The following KIAA1549L variants were observed in gnomAD, a reference collection of about 807,000 sequenced individuals.
KIAA1549L encodes UPF0606 protein KIAA1549L.
KIAA1549L carries 88 observed loss-of-function variants against 160.7 expected under a neutral mutation model. That is an observed-to-expected ratio of 0.55 (90% CI 0.46 to 0.65). KIAA1549L has a LOEUF of 0.65. Among genes scored for constraint, KIAA1549L ranks in the 30% least tolerant of loss-of-function variants. The pLI, the probability that KIAA1549L is intolerant of heterozygous loss-of-function variation, is 0.00. For missense variants in KIAA1549L, 2,258 were observed against 2,437.5 expected (o/e 0.93, Z 1.55); for synonymous variants, 950 against 976.7 (o/e 0.97, Z 0.51).
At chr11:33,435,154 A>C (rs1217789065) in intron 1 of KIAA1549L, among the ~76,000 whole-genome samples, 1 of 152,262 alleles carries the variant, frequency 6.6e-6, no homozygotes, top group Admixed American at 6.5e-5. Context: ...GCCTGTTCTC[A>C]TAAGCACAGA....
At chr11:33,524,908 T>A (rs1853578388) in intron 1 of KIAA1549L, among the ~76,000 whole-genome samples, 1 of 152,242 alleles carries the variant, frequency 6.6e-6, no homozygotes, top group African/African-American at 2.4e-5. Flanking sequence ...GTCCGTCTTA[T>A]TAATGCCACT....
intron 1 of KIAA1549L, among the ~76,000 whole-genome samples, chr11:33,454,251 T>G (rs908523315): frequency 3.3e-5 from 5 of 152,186 alleles, no homozygotes; most frequent in Non-Finnish European, 7.3e-5. Flanking sequence ...CTATTCCTAC[T>G]TTACAAACAT....
intron 1 of KIAA1549L, among the ~76,000 whole-genome samples, chr11:33,496,760 A>G (rs1031333550): frequency 6.6e-6 from 1 of 152,170 alleles, no homozygotes; most frequent in Non-Finnish European, 1.5e-5. Flanking sequence ...CAGATTGTGT[A>G]GCACTGCCTC....
At chr11:33,449,289 A>T (rs1190551424) in intron 1 of KIAA1549L, among the ~76,000 whole-genome samples, 1 of 150,614 alleles carries the variant, frequency 6.6e-6, no homozygotes, top group African/African-American at 2.4e-5. Context: ...ATGGATCCTG[A>T]TTTCTCACAC....
intron 1 of KIAA1549L, among the ~76,000 whole-genome samples, chr11:33,503,794 A>G (rs1023759003): frequency 6.6e-6 from 1 of 152,112 alleles, no homozygotes. Context: ...GGCTTTTCTC[A>G]CCTCACAATT....
intron 1 of KIAA1549L, among the ~76,000 whole-genome samples, chr11:33,430,499 T>C (rs1213163257): frequency 6.6e-6 from 1 of 152,242 alleles, no homozygotes; most frequent in Non-Finnish European, 1.5e-5. Context: ...AGGTAAGATC[T>C]GGCCAATTAT....
intron 20 of KIAA1549L, among the ~76,000 whole-genome samples, chr11:33,667,486 G>A (rs1447792025): frequency 3.3e-5 from 5 of 151,606 alleles, no homozygotes; most frequent in African/African-American, 4.8e-5. Context: ...TCTGCCTCCC[G>A]GGTTCAAGTG....
At chr11:33,505,149 C>T (rs1009598034) in intron 1 of KIAA1549L, among the ~76,000 whole-genome samples, 1 of 152,224 alleles carries the variant, frequency 6.6e-6, no homozygotes, top group Non-Finnish European at 1.5e-5. Context: ...AACAATAGCA[C>T]TCTGAAGTCA....
At chr11:33,452,952 C>T (rs1004636924) in intron 1 of KIAA1549L, among the ~76,000 whole-genome samples, 5 of 152,306 alleles carry the variant, frequency 3.3e-5, no homozygotes, top group Non-Finnish European at 5.9e-5. Context: ...CACACTCCCT[C>T]CTGCCCATTT....
chr11:33,433,401 C>T (rs959222327), intron 1 of KIAA1549L, among the ~76,000 whole-genome samples: 1 of 152,194 alleles, frequency 6.6e-6, no homozygotes, highest in Non-Finnish European at 1.5e-5. Context: ...GATACCATCT[C>T]ATGCCAGTTA....
intron 20 of KIAA1549L, among the ~76,000 whole-genome samples, chr11:33,664,276 C>A (rs1315276319): frequency 6.6e-6 from 1 of 152,194 alleles, no homozygotes; most frequent in African/African-American, 2.4e-5. Flanking sequence ...CTGCTCCCTA[C>A]CTCCAGTGGG....
chr11:33,521,128 G>A (rs530399662), intron 1 of KIAA1549L, among the ~76,000 whole-genome samples: 5 of 152,084 alleles, frequency 3.3e-5, no homozygotes, highest in Non-Finnish European at 5.9e-5. Context: ...CTATGATCTC[G>A]CCACTGCACG....
Position 33,542,677 on chromosome 11 carries a change from CCCT to C in KIAA1549L, c.1116_1118del (p.Ser373del). ...TCTTCTTCAGCTTCCAGATGGAAGC[CCCT>C]CATGGTCAATGTTGGAAGTGGCTTC... On this transcript the variant is annotated inframe_deletion, in exon 2 of 21. Transcript: ENST00000658780. 2 of 1,613,788 alleles carry C rather than the reference CCCT, an allele frequency of 1.2e-6. No homozygotes were observed. The highest frequency in any genetic ancestry group is 1.7e-6 in the Non-Finnish European group (2 of 1,179,816).
At chr11:33,444,406 T>C (rs954645453) in intron 1 of KIAA1549L, among the ~76,000 whole-genome samples, 1 of 152,152 alleles carries the variant, frequency 6.6e-6, no homozygotes, top group African/African-American at 2.4e-5. Flanking sequence ...AGGAAAAGTG[T>C]ACATTGTGTG....
intron 1 of KIAA1549L, among the ~76,000 whole-genome samples, chr11:33,389,295 C>T (rs1453299582): frequency 1.3e-5 from 2 of 152,044 alleles, no homozygotes; most frequent in African/African-American, 4.8e-5. Context: ...CAACAGCAAA[C>T]CCAAGAAGGC....
At chr11:33,556,964 C>T (rs1883916) in intron 6 of KIAA1549L, among the ~76,000 whole-genome samples, 52,461 of 151,894 alleles carry the variant, frequency 0.35, 9,561 homozygotes, top group East Asian at 0.63. Flanking sequence ...TAGGCTTCCT[C>T]GGGCTCCAGT....
intron 1 of KIAA1549L, among the ~76,000 whole-genome samples, chr11:33,480,063 TGC>T (rs1554981777): frequency 6.6e-6 from 1 of 152,102 alleles, no homozygotes; most frequent in African/African-American, 2.4e-5. Context: ...TGTGTGTGTG[TGC>T]ACGCGTGCTT....
chr11:33,421,611 A>G (rs537959416), intron 1 of KIAA1549L, among the ~76,000 whole-genome samples: 17 of 152,366 alleles, frequency 1.1e-4, no homozygotes, highest in African/African-American at 3.6e-4. Context: ...CAAACATTGA[A>G]TGTTAGTGAT....
At chr11:33,446,610 A>AT (rs1403766530) in intron 1 of KIAA1549L, among the ~76,000 whole-genome samples, 2 of 152,088 alleles carry the variant, frequency 1.3e-5, no homozygotes, top group East Asian at 3.9e-4. Flanking sequence ...ATGAGTTTAC[A>AT]TCCCAAATGT....
Sources: gnomAD v4.1 joint callset for allele counts (sites outside exome capture counted in the v4.1 genomes callset) on GRCh38, gnomAD v4.1.1 for gene constraint, MANE v1.5 for transcripts, NCBI Gene and HGNC (gene_info 2026-07-23, HGNC 2026-07-21) for gene names.